TMEM132D: variants seen among roughly 807,000 people sequenced by gnomAD.
TMEM132D encodes transmembrane protein 132D, also known as mature OL transmembrane protein.
TMEM132D carries 21 observed loss-of-function variants against 62.3 expected under a neutral mutation model. The ratio of observed to expected loss-of-function variants is 0.34; its 90% CI spans 0.24 to 0.49. The LOEUF is 0.49. Ranked by LOEUF, TMEM132D falls within the 20% of genes least tolerant of loss-of-function variation. TMEM132D has a pLI of 0.99. For synonymous variants in TMEM132D, 621 were observed against 575.6 expected, an observed-to-expected ratio of 1.08 and a Z score of -1.13; for missense variants, 1,346 against 1,402.8, an observed-to-expected ratio of 0.96 and a Z score of 0.65.
At chr12:129,316,290 A>G (rs185469298) in intron 4 of TMEM132D, among the ~76,000 whole-genome samples, 100 of 152,248 alleles carry the variant, frequency 6.6e-4, no homozygotes, top group Non-Finnish European at 1.2e-3. Context: ...TAGGGTTACA[A>G]ACACTCCTCT....
chr12:129,099,150 T>C (rs187534926), intron 5 of TMEM132D, among the ~76,000 whole-genome samples: 3 of 152,174 alleles, frequency 2.0e-5, no homozygotes, highest in Non-Finnish European at 4.4e-5. Context: ...CTCAAGCCCA[T>C]TGAATTTCTC....
chr12:129,271,528 T>C (rs545867663), intron 4 of TMEM132D, among the ~76,000 whole-genome samples: 1 of 151,752 alleles, frequency 6.6e-6, no homozygotes, highest in African/African-American at 2.4e-5. Flanking sequence ...TCCACATGCA[T>C]TAGGTATTTG....
intron 1 of TMEM132D, among the ~76,000 whole-genome samples, chr12:129,757,965 T>C (rs1870225331): frequency 2.0e-5 from 3 of 152,160 alleles, no homozygotes; most frequent in Admixed American, 2.0e-4. Context: ...TGCAATGGCA[T>C]GGTCTCGGCT....
At chr12:129,098,235 C>G (rs1387481132) in intron 5 of TMEM132D, among the ~76,000 whole-genome samples, 2 of 152,278 alleles carry the variant, frequency 1.3e-5, no homozygotes, top group East Asian at 3.9e-4. Flanking sequence ...AGCTCAGAAA[C>G]AGACCTGCAT....
rs955909085 is a variant in TMEM132D, at chr12:129,511,061, C to A, written c.1115+19998G>T. ...TTTGTAGTTTCACATAAATAGCGCACCCATTTTAAGCATATAGTTGGCCGA... is the reference window on the plus strand; with the variant it reads ...TTTGTAGTTTCACATAAATAGCGCAACCATTTTAAGCATATAGTTGGCCGA... On this transcript the variant is annotated intron_variant, in intron 3 of 8. Transcript: ENST00000422113. Among the ~76,000 whole-genome samples the A allele has an allele frequency of 3.9e-5, 6 of 152,132 alleles. No homozygotes were observed. The South Asian group carries it at 1.2e-3, about 32-fold the overall frequency.
At chr12:129,404,393 C>T (rs112822134) in intron 3 of TMEM132D, among the ~76,000 whole-genome samples, 5,695 of 152,128 alleles carry the variant, frequency 0.037, 310 homozygotes, top group African/African-American at 0.13. Flanking sequence ...GATGGGGTTT[C>T]GCCATAATGG....
At chr12:129,778,188 GA>G (rs56064837) in intron 1 of TMEM132D, among the ~76,000 whole-genome samples, 122,445 of 144,864 alleles carry the variant, frequency 0.85, 52,668 homozygotes, top group Middle Eastern at 0.94. Context: ...GAAGGAATCA[GA>G]AAAAAAAAAC....
rs113574890 is a variant in TMEM132D, at chr12:129,300,427, C to T, written c.1299+37207G>A. Among the ~76,000 whole-genome samples, 233 of 152,342 alleles carry T rather than the reference C, an allele frequency of 1.5e-3. 3 individuals carry two copies. Among genetic ancestry groups the T allele is most frequent in the African/African-American group, 5.2e-3 (218 of 41,580 alleles). ...ACGATGAATATCACTGAGCACCCAC[C>T]TAACTTAGGAGTCCACACACGTGCA... On this transcript the variant is annotated intron_variant, in intron 4 of 8. Coordinates refer to ENST00000422113, the MANE Select transcript of TMEM132D (RefSeq NM_133448.3).
chr12:129,572,627 C>G (rs1401620925), intron 2 of TMEM132D, among the ~76,000 whole-genome samples: 1 of 151,730 alleles, frequency 6.6e-6, no homozygotes, highest in Non-Finnish European at 1.5e-5. Flanking sequence ...TTTTGTATTT[C>G]TAGTAGAGAT....
At chr12:129,728,354 C>T (rs149855398) in intron 1 of TMEM132D, among the ~76,000 whole-genome samples, 23 of 152,322 alleles carry the variant, frequency 1.5e-4, no homozygotes, top group Non-Finnish European at 3.1e-4. Flanking sequence ...TTTGCCAACA[C>T]ATTTTGCTTC....
intron 5 of TMEM132D, among the ~76,000 whole-genome samples, chr12:129,206,082 CA>C (rs1209246977): frequency 6.6e-6 from 1 of 151,186 alleles, no homozygotes; most frequent in Non-Finnish European, 1.5e-5. Flanking sequence ...GCAATTGCAA[CA>C]AAAACAAAAA....
intron 2 of TMEM132D, among the ~76,000 whole-genome samples, chr12:129,676,537 AGGGG>A (rs1429787306): frequency 6.6e-6 from 1 of 152,108 alleles, no homozygotes; most frequent in Non-Finnish European, 1.5e-5. Flanking sequence ...CTTACAGAGG[AGGGG>A]GAAGGGAGCC....
At chr12:129,842,681 C>T (rs1170546048) in intron 1 of TMEM132D, among the ~76,000 whole-genome samples, 1 of 151,906 alleles carries the variant, frequency 6.6e-6, no homozygotes, top group Non-Finnish European at 1.5e-5. Context: ...GTTGCCCAGG[C>T]GGGTCTAGAA....
intron 4 of TMEM132D, among the ~76,000 whole-genome samples, chr12:129,270,232 G>A (rs1372266184): frequency 6.6e-6 from 1 of 152,056 alleles, no homozygotes; most frequent in East Asian, 1.9e-4. Context: ...GGTAAGTGTT[G>A]TCAAGAGCAG....
intron 2 of TMEM132D, among the ~76,000 whole-genome samples, chr12:129,637,910 G>A (rs1879529449): frequency 6.6e-6 from 1 of 152,062 alleles, no homozygotes; most frequent in Non-Finnish European, 1.5e-5. Context: ...ACCAAGGGGT[G>A]GTACTAAACC....
At chr12:129,780,219 C>T (rs893983971) in intron 1 of TMEM132D, among the ~76,000 whole-genome samples, 3 of 151,932 alleles carry the variant, frequency 2.0e-5, no homozygotes, top group South Asian at 2.1e-4. Context: ...CTCCCCGTCC[C>T]GCTGTGTGCT....
intron 1 of TMEM132D, among the ~76,000 whole-genome samples, chr12:129,765,825 A>G (rs1870532828): frequency 6.6e-6 from 1 of 152,136 alleles, no homozygotes; most frequent in Non-Finnish European, 1.5e-5. Flanking sequence ...TCCACAGGAG[A>G]GTCATGATTT....
At chr12:129,312,635 T>C (rs1882003640) in intron 4 of TMEM132D, among the ~76,000 whole-genome samples, 1 of 152,210 alleles carries the variant, frequency 6.6e-6, no homozygotes, top group African/African-American at 2.4e-5. Context: ...AGTGGCACAA[T>C]CTCGGCTCAC....
At chr12:129,775,255 C>A (rs1421454237) in intron 1 of TMEM132D, among the ~76,000 whole-genome samples, 1 of 152,160 alleles carries the variant, frequency 6.6e-6, no homozygotes, top group African/African-American at 2.4e-5. Flanking sequence ...CCATGCCACT[C>A]CTGATTTTCT....
Sources: gnomAD v4.1 joint callset for allele counts (sites outside exome capture counted in the v4.1 genomes callset) on GRCh38, gnomAD v4.1.1 for gene constraint, MANE v1.5 for transcripts, NCBI Gene and HGNC (gene_info 2026-07-23, HGNC 2026-07-21) for gene names.